Variants in PRKX observed in about 807,000 individuals in gnomAD.
The protein encoded by PRKX is protein kinase cAMP-dependent X-linked catalytic subunit, also known as cAMP-dependent protein kinase catalytic subunit PRKX.
A neutral mutation model predicts 22.0 loss-of-function variants in PRKX; 12 were observed. The observed-to-expected ratio is 0.54, with a 90% CI of 0.35 to 0.88. PRKX has a LOEUF of 0.88. PRKX is among the 40% of genes least tolerant of loss of function. The pLI is 0.01. For missense variants in PRKX, 217 were observed against 308.0 expected (o/e 0.70, Z 2.21); for synonymous variants, 134 against 137.7 (o/e 0.97, Z 0.19).
At chrX:3,672,484 G>A (rs1343120019) in intron 2 of PRKX, among the ~76,000 whole-genome samples, 5 of 110,890 alleles carry the variant, frequency 4.5e-5, no homozygotes, top group South Asian at 3.8e-4. Flanking sequence ...TTTAACTTGC[G>A]GGAGCTCAAG....
intron 8 of PRKX, among the ~76,000 whole-genome samples, chrX:3,610,417 G>A (rs1331699057): frequency 9.0e-6 from 1 of 111,204 alleles, no homozygotes; most frequent in African/African-American, 3.3e-5. Context: ...AGGAGGCGGA[G>A]GTTGCAGTGA....
chrX:3,655,678 T>C (rs923816952), intron 2 of PRKX, among the ~76,000 whole-genome samples: 8 of 112,559 alleles, frequency 7.1e-5, no homozygotes, highest in African/African-American at 2.6e-4. Flanking sequence ...TGTTAGGATA[T>C]GGGTGTACAT....
Position 3,604,439 on chromosome X carries a change from A to G in PRKX, c.*4530T>C, listed in dbSNP as rs1326475545. The G allele has an allele frequency of 1.8e-5, 2 of 113,088 alleles. No homozygotes were observed. The highest frequency in any genetic ancestry group is 9.3e-5 in the Admixed American group (1 of 10,729). 9.3% of individuals were successfully genotyped at this position (113,088 alleles called of 1,213,427 possible). ...AGTATTATTACATAAATTAGACAGC[A>G]GTAAAATTTTCCTAGGGCATATGTA... is the stretch of plus-strand genomic sequence containing the variant. On this transcript the variant is annotated 3_prime_UTR_variant, in exon 9 of 9. Transcript: ENST00000262848.
At chrX:3,635,563 T>C (rs1166960013) in intron 4 of PRKX, among the ~76,000 whole-genome samples, 2 of 110,741 alleles carry the variant, frequency 1.8e-5, no homozygotes, top group Non-Finnish European at 3.8e-5. Context: ...TGTCCCTGTG[T>C]TTTGTTCTTG....
At chrX:3,624,958 C>T (rs939440256) in intron 5 of PRKX, among the ~76,000 whole-genome samples, 2 of 111,139 alleles carry the variant, frequency 1.8e-5, no homozygotes, top group African/African-American at 6.5e-5. Context: ...TTGCCATCCA[C>T]TTAATATAAT....
chrX:3,627,734 G>T (rs1926690682), intron 4 of PRKX, among the ~76,000 whole-genome samples: 1 of 110,921 alleles, frequency 9.0e-6, no homozygotes, highest in Non-Finnish European at 1.9e-5. Context: ...AAAGTGCTAG[G>T]ATTACCAGCG....
At chrX:3,696,105 T>C (rs1398021295) in intron 1 of PRKX, among the ~76,000 whole-genome samples, 4 of 110,574 alleles carry the variant, frequency 3.6e-5, no homozygotes, top group Non-Finnish European at 5.7e-5. Flanking sequence ...TGGAGCCTCA[T>C]GAATGGGATC....
At chrX:3,644,164 G>A (rs1189642737) in intron 3 of PRKX, among the ~76,000 whole-genome samples, 1 of 102,783 alleles carries the variant, frequency 9.7e-6, no homozygotes, top group African/African-American at 3.6e-5. Flanking sequence ...TTGGGAGGTT[G>A]AGGCAGGAGG....
chrX:3,655,553 G>C, intron 2 of PRKX, 141 bp from the exon 3 acceptor site: 1 of 663,869 alleles, frequency 1.5e-6, no homozygotes, highest in Admixed American at 3.2e-5. Context: ...GACAGATGTC[G>C]GGACATGGAG....
intron 3 of PRKX, among the ~76,000 whole-genome samples, chrX:3,651,650 G>A (rs1255640883): frequency 9.0e-6 from 1 of 111,653 alleles, no homozygotes; most frequent in Non-Finnish European, 1.9e-5. Flanking sequence ...AGAGAAGAGA[G>A]TCATTTAGTG....
At chrX:3,690,025 C>A (rs898027671) in intron 1 of PRKX, among the ~76,000 whole-genome samples, 1 of 111,393 alleles carries the variant, frequency 9.0e-6, no homozygotes, top group East Asian at 2.8e-4. Context: ...TGTGAATAAA[C>A]TGAAAACTAA....
chrX:3,672,516 C>T (rs1927867164), intron 2 of PRKX, among the ~76,000 whole-genome samples: 2 of 110,976 alleles, frequency 1.8e-5, no homozygotes, highest in Non-Finnish European at 3.8e-5. Flanking sequence ...GGGGAATTCT[C>T]TCACTTGTAT....
intron 1 of PRKX, among the ~76,000 whole-genome samples, chrX:3,701,860 G>A (rs941239555): frequency 3.2e-4 from 36 of 111,842 alleles, no homozygotes; most frequent in South Asian, 7.5e-4. Context: ...CAAATGCCAC[G>A]GCAACGTCAG....
chrX:3,678,043 A>C (rs1928000492), intron 1 of PRKX, among the ~76,000 whole-genome samples: 1 of 111,939 alleles, frequency 8.9e-6, no homozygotes, highest in African/African-American at 3.2e-5. Flanking sequence ...AAGGGCTTTG[A>C]GGACTGTGAA....
chrX:3,693,261 C>T (rs1283369326), intron 1 of PRKX, among the ~76,000 whole-genome samples: 1 of 111,664 alleles, frequency 9.0e-6, no homozygotes, highest in African/African-American at 3.3e-5. Flanking sequence ...TGCATCTAAC[C>T]TTGGTCAAGG....
At chrX:3,621,442 G>C in intron 5 of PRKX, 126 bp from the exon 6 acceptor site, 1 of 586,519 alleles carries the variant, frequency 1.7e-6, no homozygotes. Context: ...TTCCACTTTG[G>C]CAAAACACTT....
intron 1 of PRKX, among the ~76,000 whole-genome samples, chrX:3,676,749 C>T (rs6567579): frequency 0.37 from 41,282 of 110,628 alleles, 6,223 homozygotes; most frequent in East Asian, 0.58. Flanking sequence ...ATAATCCCCA[C>T]GTGTTGTGGG....
At chrX:3,632,343 C>T (rs894508620) in intron 4 of PRKX, among the ~76,000 whole-genome samples, 9 of 111,149 alleles carry the variant, frequency 8.1e-5, no homozygotes, top group African/African-American at 2.9e-4. Context: ...TCTGCGCCAA[C>T]CCTGCCGCCT....
chrX:3,612,369 C>T (rs748501670), intron 7 of PRKX, 44 bp from the exon 8 acceptor site: 6 of 1,176,667 alleles, frequency 5.1e-6, no homozygotes, highest in East Asian at 3.0e-5. Flanking sequence ...TAGAAAGGGA[C>T]GGGACACTTG....
Sources: gnomAD v4.1 joint callset for allele counts (sites outside exome capture counted in the v4.1 genomes callset) on GRCh38, gnomAD v4.1.1 for gene constraint, MANE v1.5 for transcripts, NCBI Gene and HGNC (gene_info 2026-07-23, HGNC 2026-07-21) for gene names.